The following TRAPPC10 variants were observed in gnomAD, a reference collection of about 807,000 sequenced individuals.
The protein encoded by TRAPPC10 is TRAPP 130 kDa subunit.
In TRAPPC10, 23 loss-of-function variants were observed where a neutral mutation model predicts 125.5. The observed-to-expected ratio is 0.18, with a 90% CI of 0.13 to 0.26. The LOEUF (loss-of-function observed/expected upper bound fraction) is 0.26, where lower values mean the gene tolerates loss of function less well. Among genes scored for constraint, TRAPPC10 ranks in the 10% least tolerant of loss-of-function variants. The pLI is 1.00. For missense variants in TRAPPC10, 1,123 were observed against 1,308.4 expected, an observed-to-expected ratio of 0.86 and a Z score of 2.19; for synonymous variants, 509 against 518.0, an observed-to-expected ratio of 0.98 and a Z score of 0.24.
intron 5 of TRAPPC10, among the ~76,000 whole-genome samples, chr21:44,056,324 T>C (rs1197792155): frequency 6.6e-6 from 1 of 152,116 alleles, no homozygotes; most frequent in Non-Finnish European, 1.5e-5. Flanking sequence ...TTTAAGCCAG[T>C]GCTCCAGCAA....
chr21:44,058,345 C>G (rs910901682), intron 5 of TRAPPC10, among the ~76,000 whole-genome samples: 5 of 99,170 alleles, frequency 5.0e-5, no homozygotes, highest in African/African-American at 2.0e-4. Context: ...ACGTGAGCAG[C>G]GGTGAGGAGG....
Position 44,087,641 on chromosome 21 carries a change from A to G in TRAPPC10, c.2540-58A>G. 1 of 1,514,978 alleles carries G rather than the reference A, an allele frequency of 6.6e-7. No individual in the cohort carries two copies. Among genetic ancestry groups the G allele is most frequent in the Non-Finnish European group, 9.1e-7 (1 of 1,101,164 alleles). The allele number at this position is 1,514,978 out of a possible 1,614,324, so 93.8% of individuals were successfully genotyped here. A position where few individuals can be genotyped will look rare whatever the true frequency, so the allele number is the denominator to read the frequency against. Reference sequence around the variant, plus strand: ...TGCTGGGCCATCACCTGCTGTAAGGAAAAGGACAAGTGAAACCGAGGGAAC... The same window carrying G: ...TGCTGGGCCATCACCTGCTGTAAGGGAAAGGACAAGTGAAACCGAGGGAAC... On this transcript the variant is annotated intron_variant, in intron 16 of 22. Coordinates refer to ENST00000291574, the MANE Select transcript of TRAPPC10 (RefSeq NM_003274.5). The surrounding 1 kb of genome is among the most constrained non-coding windows in gnomAD (Gnocchi z 4.6).
chr21:44,063,395 A>G lies in TRAPPC10; in HGVS notation c.791-143A>G. The G allele has an allele frequency of 4.6e-6, 6 of 1,312,916 alleles. No homozygotes were observed. Among genetic ancestry groups the G allele is most frequent in the Non-Finnish European group, 6.3e-6 (6 of 956,780 alleles). The allele number at this position is 1,312,916 out of a possible 1,614,324, so 81.3% of individuals were successfully genotyped here. ...GTCAGTGCTGGGAGCCGAATGCATC[A>G]CTAGACCACAGGGGGTGGGCCAGTG... On this transcript the variant is annotated intron_variant, in intron 6 of 22. Transcript: ENST00000291574. The surrounding 1 kb of genome is among the most constrained non-coding windows in gnomAD (Gnocchi z 4.4).
intron 4 of TRAPPC10, 105 bp from the exon 5 acceptor site, chr21:44,055,593 A>AAT: frequency 8.7e-6 from 7 of 802,706 alleles, no homozygotes; most frequent in South Asian, 2.6e-5. Context: ...AAAAAAAAAA[A>AAT]GGAGGAGGAA....
chr21:44,082,736 A>G lies in TRAPPC10; in HGVS notation c.1724-52A>G, dbSNP rs958066978. 5 of 1,596,242 alleles carry G rather than the reference A, an allele frequency of 3.1e-6. No individual in the cohort carries two copies. In the African/African-American group the frequency reaches 6.7e-5, roughly 21 times the overall value. On this transcript the variant is annotated intron_variant, in intron 13 of 22. Coordinates refer to ENST00000291574, the MANE Select transcript of TRAPPC10 (RefSeq NM_003274.5). The surrounding 1 kb of genome is among the most constrained non-coding windows in gnomAD (Gnocchi z 4.4). ...CTGTGTCCGCGGCCTGCTGCTGCTT[A>G]CTGTCAGGAAGTGTGACTTGGGGAG... is the stretch of plus-strand genomic sequence containing the variant.
intron 1 of TRAPPC10, among the ~76,000 whole-genome samples, chr21:44,028,798 T>G (rs1467526681): frequency 6.6e-6 from 1 of 152,204 alleles, no homozygotes; most frequent in Non-Finnish European, 1.5e-5. Context: ...TTTCTGAGTG[T>G]GGGCACATCA....
chr21:44,013,470 C>T (rs1370410356), intron 1 of TRAPPC10, among the ~76,000 whole-genome samples: 1 of 152,140 alleles, frequency 6.6e-6, no homozygotes, highest in Non-Finnish European at 1.5e-5. Flanking sequence ...TAGTTTTTTT[C>T]TAGTTGTCTT....
intron 11 of TRAPPC10, among the ~76,000 whole-genome samples, chr21:44,079,277 T>C (rs1380092721): frequency 1.3e-5 from 2 of 152,312 alleles, no homozygotes; most frequent in South Asian, 4.1e-4. Context: ...ATCCTGAGAT[T>C]CAGCTATGAA....
intron 18 of TRAPPC10, 49 bp from the exon 19 acceptor site, chr21:44,091,873 TA>T: frequency 6.3e-7 from 1 of 1,577,122 alleles, no homozygotes; most frequent in African/African-American, 1.4e-5. Flanking sequence ...AAGATATATT[TA>T]ATAAAGTTCT....
intron 3 of TRAPPC10, among the ~76,000 whole-genome samples, chr21:44,048,578 C>T (rs2035016567): frequency 6.6e-6 from 1 of 152,134 alleles, no homozygotes; most frequent in Non-Finnish European, 1.5e-5. Flanking sequence ...ACTACAACCT[C>T]CACCTCCTGG....
In TRAPPC10 at chr21:44,082,713, G is replaced by A; in HGVS notation, c.1724-75G>A. 9 of 1,535,994 alleles carry A rather than the reference G, an allele frequency of 5.9e-6. No homozygotes were observed. The highest frequency in any genetic ancestry group is 1.2e-5 in the South Asian group (1 of 84,528). ...TCAGTCTGCTCTCGGTGATCTTACT[G>A]TGTCCGCGGCCTGCTGCTGCTTACT... On this transcript the variant is annotated intron_variant, in intron 13 of 22. Coordinates refer to ENST00000291574, the MANE Select transcript of TRAPPC10 (RefSeq NM_003274.5). The surrounding 1 kb of genome is among the most constrained non-coding windows in gnomAD (Gnocchi z 4.4).
chr21:44,071,616 G>A (rs974370439), intron 7 of TRAPPC10, among the ~76,000 whole-genome samples: 12 of 152,150 alleles, frequency 7.9e-5, no homozygotes, highest in Admixed American at 7.9e-4. Flanking sequence ...CGAGGCAGGC[G>A]GCTCTGCAAG....
chr21:44,015,123 C>A (rs2031671020), intron 1 of TRAPPC10, among the ~76,000 whole-genome samples: 1 of 152,036 alleles, frequency 6.6e-6, no homozygotes, highest in South Asian at 2.1e-4. Context: ...TTTTTGTTTT[C>A]AAAAATCTTT....
At chr21:44,046,411 C>A (rs907170582) in intron 3 of TRAPPC10, 22 of 278,682 alleles carry the variant, frequency 7.9e-5, no homozygotes, top group African/African-American at 4.4e-4. Flanking sequence ...AGTGACACCA[C>A]CACCAGCAAT....
chr21:44,034,795 C>A (rs527993698), intron 2 of TRAPPC10, among the ~76,000 whole-genome samples: 6 of 152,254 alleles, frequency 3.9e-5, no homozygotes, highest in South Asian at 4.1e-4. Context: ...GACACAGACA[C>A]AGGGTAGAAG....
At chr21:44,057,859 T>C (rs1228850529) in intron 5 of TRAPPC10, among the ~76,000 whole-genome samples, 1 of 152,118 alleles carries the variant, frequency 6.6e-6, no homozygotes, top group East Asian at 1.9e-4. Flanking sequence ...TGTCCACAAA[T>C]ACATGGGGTG....
At chr21:44,052,525 A>C (rs2145838045) in intron 4 of TRAPPC10, 49 bp downstream of exon 4, 1 of 1,515,018 alleles carries the variant, frequency 6.6e-7, no homozygotes, top group East Asian at 2.3e-5. Context: ...TTGACATGAT[A>C]CAGATTGCTG....
intron 1 of TRAPPC10, among the ~76,000 whole-genome samples, chr21:44,016,859 C>T (rs775332443): frequency 1.1e-4 from 16 of 152,094 alleles, no homozygotes; most frequent in African/African-American, 1.4e-4. Flanking sequence ...GGGGTTTCAC[C>T]GTGTCAGCCA....
chr21:44,063,472 T>G lies in TRAPPC10; in HGVS notation c.791-66T>G. The G allele has an allele frequency of 6.3e-7, 1 of 1,578,904 alleles. No individual in the cohort carries two copies. On this transcript the variant is annotated intron_variant, in intron 6 of 22. Transcript: ENST00000291574. The surrounding 1 kb of genome is among the most constrained non-coding windows in gnomAD (Gnocchi z 4.4). ...GCCTGTTTGCCCACCATCCTCAGCC[T>G]GAGCAGGAAGCTCAGGAAGGTGAAG... is the stretch of plus-strand genomic sequence containing the variant.
Sources: allele counts gnomAD v4.1 joint callset (sites outside exome capture counted in the v4.1 genomes callset), GRCh38; gene constraint gnomAD v4.1.1; non-coding constraint Gnocchi (gnomAD v3.1); transcripts MANE v1.5; gene names NCBI Gene and HGNC (gene_info 2026-07-23, HGNC 2026-07-21).